The following LSM4 variants were observed in gnomAD, a reference collection of about 807,000 sequenced individuals.
LSM4 encodes LSM4 homolog, U6 small nuclear RNA and mRNA degradation associated, also known as U6 snRNA-associated Sm-like protein LSm4.
In LSM4, 15 loss-of-function variants were observed where a neutral mutation model predicts 22.3. That is an observed-to-expected ratio of 0.67 (90% confidence interval 0.45 to 1.03). The LOEUF (loss-of-function observed/expected upper bound fraction) is 1.03. LSM4 is among the 50% of genes least tolerant of loss of function. LSM4 has a pLI of 0.00. For synonymous variants in LSM4, 90 were observed against 79.8 expected, an observed-to-expected ratio of 1.13 and a Z score of -0.68; for missense variants, 127 against 198.0, an observed-to-expected ratio of 0.64 and a Z score of 2.15.
At chr19:18,307,983 A>G (rs1157432425) in intron 4 of LSM4, among the ~76,000 whole-genome samples, 1 of 151,978 alleles carries the variant, frequency 6.6e-6, no homozygotes, top group African/African-American at 2.4e-5. Flanking sequence ...AACCACCCAC[A>G]GCCCCTCATC....
chr19:18,321,753 A>G (rs868149689), intron 1 of LSM4, among the ~76,000 whole-genome samples: 5 of 152,310 alleles, frequency 3.3e-5, no homozygotes, highest in Middle Eastern at 6.8e-3. Context: ...TTGACGGATC[A>G]GCTGACACTA....
chr19:18,314,445 T>G (rs1753174463), intron 2 of LSM4, among the ~76,000 whole-genome samples: 1 of 150,980 alleles, frequency 6.6e-6, no homozygotes, highest in Non-Finnish European at 1.5e-5. Context: ...GAAAATGGCG[T>G]GAAACCAGGA....
chr19:18,307,617 C>T lies in LSM4; in HGVS notation c.329-62G>A, dbSNP rs2232973. 3.7e-4 allele frequency: 458 copies of T among 1,253,152 alleles called. 1 individual carries two copies. The African/African-American group carries it at 4.2e-3, about 11-fold the overall frequency. The allele number at this position is 1,253,152 out of a possible 1,614,324, so 77.6% of individuals were successfully genotyped here. A position where few individuals can be genotyped will look rare whatever the true frequency, so the allele number is the denominator to read the frequency against. Reference sequence around the variant, plus strand: ...GTGGGTGGGACCTTCGACAGGATCCCGGCGCCCTGAAACTCTAGGCCAGGT... The same window carrying T: ...GTGGGTGGGACCTTCGACAGGATCCTGGCGCCCTGAAACTCTAGGCCAGGT... On this transcript the variant is annotated intron_variant, in intron 4 of 4. Transcript: ENST00000593829.
At position 18,307,299 on chromosome 19, in the gene LSM4, G is replaced by A. The variant is rs550747674; in HGVS notation, c.*165C>T. 99 of 492,834 alleles carry A rather than the reference G, an allele frequency of 2.0e-4. No individual in the cohort carries two copies. In the East Asian group the frequency reaches 2.5e-3, roughly 12 times the overall value. 30.5% of individuals were successfully genotyped at this position (492,834 alleles called of 1,614,324 possible). On this transcript the variant is annotated 3_prime_UTR_variant, in exon 5 of 5. Coordinates refer to ENST00000593829, the MANE Select transcript of LSM4 (RefSeq NM_012321.5). ...AACATTTCTAACCGGAGAATTGCCG[G>A]TTTTAGCAAGAAAAAGGGGCTTCAC...
intron 3 of LSM4, chr19:18,310,164 T>C: frequency 2.6e-6 from 1 of 388,992 alleles, no homozygotes; most frequent in Non-Finnish European, 4.6e-6. Context: ...AGTGGCTGAC[T>C]GGGGCTCCCT....
At chr19:18,308,283 G>A (rs763394194) in intron 4 of LSM4, among the ~76,000 whole-genome samples, 4 of 152,172 alleles carry the variant, frequency 2.6e-5, no homozygotes, top group East Asian at 3.9e-4. Context: ...TGTGCCTGGC[G>A]CCCCTTCACG....
intron 4 of LSM4, among the ~76,000 whole-genome samples, chr19:18,307,825 A>G (rs1032802490): frequency 1.3e-5 from 2 of 150,052 alleles, no homozygotes; most frequent in Non-Finnish European, 3.0e-5. Context: ...ACTAAGTCAC[A>G]TTGGGGGTTG....
At chr19:18,312,020 GCCT>G (rs1970303833) in intron 3 of LSM4, 1 of 154,804 alleles carries the variant, frequency 6.5e-6, no homozygotes, top group South Asian at 2.0e-4. Flanking sequence ...ACCATCCCTG[GCCT>G]CCTCCTCAGT....
chr19:18,316,168 G>C (rs757029358), intron 1 of LSM4, 103 bp from the exon 2 acceptor site: 68 of 1,028,634 alleles, frequency 6.6e-5, no homozygotes, highest in Middle Eastern at 4.6e-4. Flanking sequence ...GTGCGGTTGA[G>C]GGGGCACAGG....
At chr19:18,309,612 A>G (rs1972807928) in intron 4 of LSM4, 66 bp downstream of exon 4, 1 of 1,486,908 alleles carries the variant, frequency 6.7e-7, no homozygotes, top group Non-Finnish European at 9.0e-7. Context: ...CAACCCCAAG[A>G]AGGAGGGATG....
At chr19:18,309,483 A>C (rs758304845) in intron 4 of LSM4, 195 bp downstream of exon 4, 93 of 583,822 alleles carry the variant, frequency 1.6e-4, no homozygotes, top group Non-Finnish European at 2.5e-4. Context: ...CAGGAGGCGC[A>C]GTGAGAGGAG....
rs769880716 is a variant in LSM4 at position 18,309,727 on chromosome 19, C to T, written c.279G>A (p.Leu93=). The T allele has an allele frequency of 3.7e-6, 6 of 1,612,532 alleles. No homozygotes were observed. In the South Asian group the frequency reaches 5.5e-5, roughly 15 times the overall value. Residue 93 remains leucine, a synonymous_variant, in exon 4 of 5, where the codon CTG becomes CTA. Coordinates refer to ENST00000593829, the MANE Select transcript of LSM4 (RefSeq NM_012321.5). ...GGCCTTTCTGCTGCTTCTGCTGCTG[C>T]AGGCCTCCGCGGCCGCGGCCCTTGG... ...VVAKGRGRGG[L]QQQKQQKGRG... is the part of the protein sequence containing the mutation.
At chr19:18,309,962 T>C (rs2148138168) in intron 3 of LSM4, 101 bp from the exon 4 acceptor site, 1 of 1,124,352 alleles carries the variant, frequency 8.9e-7, no homozygotes, top group East Asian at 2.6e-5. Flanking sequence ...CTGCACCCCG[T>C]ACCACCCCTG....
At chr19:18,312,831 TA>T in intron 2 of LSM4, 129 bp from the exon 3 acceptor site, 2 of 679,870 alleles carry the variant, frequency 2.9e-6, no homozygotes, top group South Asian at 3.5e-5. Context: ...CCCAGACCCC[TA>T]AATGGCCTTC....
intron 4 of LSM4, 69 bp from the exon 5 acceptor site, chr19:18,307,624 C>CTGAA: frequency 1.7e-6 from 2 of 1,192,174 alleles, no homozygotes; most frequent in Non-Finnish European, 2.3e-6. Context: ...TCCCGGCGCC[C>CTGAA]TGAAACTCTA....
intron 1 of LSM4, among the ~76,000 whole-genome samples, chr19:18,322,704 T>C (rs957653651): frequency 6.6e-6 from 1 of 151,716 alleles, no homozygotes; most frequent in African/African-American, 2.4e-5. Flanking sequence ...AAAAACTCTC[T>C]GCTGCATTTG....
intron 3 of LSM4, among the ~76,000 whole-genome samples, chr19:18,310,586 T>C (rs995673165): frequency 2.0e-5 from 3 of 152,212 alleles, no homozygotes; most frequent in South Asian, 2.1e-4. Flanking sequence ...CTGGGACAGA[T>C]CGAGGGATTA....
At chr19:18,312,743 G>A (rs965022510) in intron 2 of LSM4, 41 bp from the exon 3 acceptor site, 1 of 1,484,332 alleles carries the variant, frequency 6.7e-7, no homozygotes, top group African/African-American at 1.4e-5. Context: ...TAGCCCTGGA[G>A]CCCTGCGCCA....
At chr19:18,320,697 G>A (rs1970416046) in intron 1 of LSM4, among the ~76,000 whole-genome samples, 2 of 152,132 alleles carry the variant, frequency 1.3e-5, no homozygotes, top group East Asian at 1.9e-4. Flanking sequence ...TACTTGGGAG[G>A]CTGAGGTAGG....
Sources: gnomAD v4.1 joint callset for allele counts (sites outside exome capture counted in the v4.1 genomes callset) on GRCh38, gnomAD v4.1.1 for gene constraint, MANE v1.5 for transcripts, NCBI Gene and HGNC (gene_info 2026-07-23, HGNC 2026-07-21) for gene names.